C10orf90: variants seen among roughly 807,000 people sequenced by gnomAD.
C10orf90 encodes chromosome 10 open reading frame 90, also known as (E2-independent) E3 ubiquitin-conjugating enzyme FATS.
C10orf90 carries 56 observed loss-of-function variants against 62.5 expected under a neutral mutation model. The ratio of observed to expected loss-of-function variants is 0.90; its 90% CI spans 0.72 to 1.12. The LOEUF (loss-of-function observed/expected upper bound fraction) is 1.12, where lower values mean the gene tolerates loss of function less well. C10orf90 is among the 50% of genes most tolerant of loss of function. The probability of loss-of-function intolerance (pLI) is 0.00; values close to 1 mark genes in which losing one functional copy is unlikely to be tolerated. For missense variants in C10orf90, 970 were observed against 880.4 expected, an observed-to-expected ratio of 1.10 and a Z score of -1.29; for synonymous variants, 386 against 340.4, an observed-to-expected ratio of 1.13 and a Z score of -1.47.
intron 7 of C10orf90, among the ~76,000 whole-genome samples, chr10:126,433,733 AAAAC>A (rs1857733651): frequency 2.0e-5 from 3 of 151,836 alleles, no homozygotes; most frequent in Admixed American, 6.5e-5. Flanking sequence ...AAACAAAACG[AAAAC>A]AAAACAAAAC....
At chr10:126,565,395 T>A (rs34901624) in intron 2 of C10orf90, among the ~76,000 whole-genome samples, 2,784 of 74,012 alleles carry the variant, frequency 0.038, 121 homozygotes, top group African/African-American at 0.087. Flanking sequence ...ATTATATATA[T>A]TATATTATAT....
rs1392723442 is a variant in C10orf90 at position 126,600,190 on chromosome 10, C to T, written c.313+46375G>A. On this transcript the variant is annotated intron_variant, in intron 2 of 9. Coordinates refer to ENST00000488181, the MANE Select transcript of C10orf90 (RefSeq NM_001350921.2). The stretch of plus-strand genomic sequence containing the variant: ...GCATGTGTGTGCACACGTGTGTGTG[C>T]ATCGCATGTGTGTGCAGGCAGGTGA... Among the ~76,000 whole-genome samples, 6 of 146,242 alleles carry T rather than the reference C, an allele frequency of 4.1e-5. No homozygotes were observed. The East Asian group carries it at 1.2e-3, about 28-fold the overall frequency.
intron 4 of C10orf90, among the ~76,000 whole-genome samples, chr10:126,465,982 A>T (rs1468654164): frequency 6.6e-6 from 1 of 152,200 alleles, no homozygotes; most frequent in Non-Finnish European, 1.5e-5. Context: ...ATGTAACACT[A>T]GGAATTGGGA....
chr10:126,592,782 G>T (rs769192796), intron 2 of C10orf90, among the ~76,000 whole-genome samples: 3 of 152,138 alleles, frequency 2.0e-5, no homozygotes, highest in Admixed American at 6.5e-5. Context: ...GAAAATTTTT[G>T]CAGTCTCTCC....
At chr10:126,492,335 A>G (rs986510035) in intron 4 of C10orf90, among the ~76,000 whole-genome samples, 3 of 152,160 alleles carry the variant, frequency 2.0e-5, no homozygotes, top group African/African-American at 7.2e-5. Flanking sequence ...GCCGCCCATA[A>G]TGAAGACTTA....
At chr10:126,595,164 C>A (rs1379623902) in intron 2 of C10orf90, among the ~76,000 whole-genome samples, 1 of 152,174 alleles carries the variant, frequency 6.6e-6, no homozygotes, top group Non-Finnish European at 1.5e-5. Context: ...CACTGTGCAA[C>A]CACTTGCACT....
intron 7 of C10orf90, among the ~76,000 whole-genome samples, chr10:126,451,204 T>C (rs1859163054): frequency 6.6e-6 from 1 of 152,090 alleles, no homozygotes; most frequent in Admixed American, 6.5e-5. Context: ...TTGGCAAGAA[T>C]GTGGAGAAAA....
intron 2 of C10orf90, among the ~76,000 whole-genome samples, chr10:126,540,098 G>C (rs1458302643): frequency 6.6e-6 from 1 of 152,030 alleles, no homozygotes; most frequent in Non-Finnish European, 1.5e-5. Context: ...AAAATATCAG[G>C]AGAAAAAATT....
intron 7 of C10orf90, among the ~76,000 whole-genome samples, chr10:126,449,663 A>G (rs1003094036): frequency 6.6e-6 from 1 of 152,188 alleles, no homozygotes; most frequent in Non-Finnish European, 1.5e-5. Flanking sequence ...GAAATAATAA[A>G]CAAATTCAGT....
rs191148344 is a variant in C10orf90, at chr10:126,514,061, A to G, written c.314-122T>C. The G allele has an allele frequency of 2.0e-5, 14 of 683,494 alleles. No individual in the cohort carries two copies. In the East Asian group the frequency reaches 3.4e-4, roughly 16 times the overall value. 42.3% of individuals were successfully genotyped at this position (683,494 alleles called of 1,614,324 possible). A position where few individuals can be genotyped will look rare whatever the true frequency, so the allele number is the denominator to read the frequency against. On this transcript the variant is annotated intron_variant, in intron 2 of 9. Coordinates refer to ENST00000488181, the MANE Select transcript of C10orf90 (RefSeq NM_001350921.2). ...TATTCTATCAGCCAACAGTAAATCC[A>G]GGATAGTCTAACCATGACAAAACCT...
intron 4 of C10orf90, among the ~76,000 whole-genome samples, chr10:126,499,213 A>C (rs970100506): frequency 7.2e-5 from 11 of 152,168 alleles, no homozygotes; most frequent in Admixed American, 5.9e-4. Context: ...TGACAGCCCC[A>C]GACAGAACAG....
intron 2 of C10orf90, among the ~76,000 whole-genome samples, chr10:126,591,650 C>T (rs1201454352): frequency 1.3e-5 from 2 of 152,092 alleles, no homozygotes; most frequent in Admixed American, 6.5e-5. Context: ...ACAAGGATGC[C>T]CTCTCTCACC....
rs11245007 is a variant in C10orf90 at position 126,504,416 on chromosome 10, C to T, written c.1075G>A (p.Asp359Asn). Reference sequence around the variant, plus strand: ...GACTTGTCTACGTAATAGATTGAATCTGGACACTGCTGAGACACCCTGAGG... The same window carrying T: ...GACTTGTCTACGTAATAGATTGAATTTGGACACTGCTGAGACACCCTGAGG... ...VHLRVSQQCP[D>N]SIYYVDKSLS... Residue 359 changes from aspartate (D) to asparagine (N), a missense_variant, in exon 4 of 10, where the codon GAT (aspartate) becomes AAT (asparagine). Coordinates refer to ENST00000488181, the MANE Select transcript of C10orf90 (RefSeq NM_001350921.2). This position sits in a 1 kb window ranked among gnomAD's most constrained non-coding sequence, Gnocchi z 4.1. 530,833 of 1,613,930 alleles carry T rather than the reference C, an allele frequency of 0.33. 93,769 individuals are homozygous for T. Among genetic ancestry groups the T allele is most frequent in the African/African-American group, 0.62 (46,540 of 74,938 alleles).
intron 2 of C10orf90, among the ~76,000 whole-genome samples, chr10:126,610,816 G>A (rs1270164901): frequency 6.6e-6 from 1 of 152,074 alleles, no homozygotes; most frequent in African/African-American, 2.4e-5. Context: ...CACATAACAA[G>A]TTAGCAGAGA....
chr10:126,669,259 T>G (rs946386161), intron 1 of C10orf90, among the ~76,000 whole-genome samples: 6 of 152,220 alleles, frequency 3.9e-5, no homozygotes, highest in Non-Finnish European at 8.8e-5. Flanking sequence ...ATCTCTGTTG[T>G]GAACATGGAA....
rs536321237 is a variant in C10orf90, at chr10:126,594,798, A to G, written c.313+51767T>C. Among the ~76,000 whole-genome samples the G allele has an allele frequency of 9.2e-5, 14 of 152,172 alleles. No homozygotes were observed. In the South Asian group the frequency reaches 2.7e-3, roughly 29 times the overall value. ...AGACAGGAAGGGTTTGCTGTGTTCA[A>G]AAGACAGAAAGAGAAGGGATATGGC... On this transcript the variant is annotated intron_variant, in intron 2 of 9. Coordinates refer to ENST00000488181, the MANE Select transcript of C10orf90 (RefSeq NM_001350921.2).
chr10:126,630,838 G>A (rs759834092), intron 2 of C10orf90, among the ~76,000 whole-genome samples: 3 of 152,130 alleles, frequency 2.0e-5, no homozygotes, highest in Non-Finnish European at 4.4e-5. Context: ...CACATCCAAT[G>A]CTCCAGCCAA....
intron 4 of C10orf90, among the ~76,000 whole-genome samples, chr10:126,470,577 A>AAAAAAAAC (rs1554892935): frequency 6.7e-6 from 1 of 149,912 alleles, no homozygotes; most frequent in African/African-American, 2.5e-5. Context: ...TAAAAACTAA[A>AAAAAAAAC]AAACAAACAA....
At chr10:126,465,980 C>G (rs572445496) in intron 4 of C10orf90, among the ~76,000 whole-genome samples, 1 of 152,278 alleles carries the variant, frequency 6.6e-6, no homozygotes, top group African/African-American at 2.4e-5. Flanking sequence ...CAATGTAACA[C>G]TAGGAATTGG....
Sources: allele counts gnomAD v4.1 joint callset (sites outside exome capture counted in the v4.1 genomes callset), GRCh38; gene constraint gnomAD v4.1.1; non-coding constraint Gnocchi (gnomAD v3.1); transcripts MANE v1.5; gene names NCBI Gene and HGNC (gene_info 2026-07-23, HGNC 2026-07-21).